CACNA1S: variants seen among roughly 807,000 people sequenced by gnomAD.
CACNA1S encodes voltage-dependent L-type calcium channel subunit alpha-1S.
A neutral mutation model predicts 207.4 loss-of-function variants in CACNA1S; 126 were observed. The observed-to-expected ratio is 0.61, with a 90% CI of 0.53 to 0.70. The LOEUF is 0.70. Among genes scored for constraint, CACNA1S ranks in the 30% least tolerant of loss-of-function variants. The pLI, the probability that CACNA1S is intolerant of heterozygous loss-of-function variation, is 0.00. For synonymous variants in CACNA1S, 960 were observed against 932.7 expected, an observed-to-expected ratio of 1.03 and a Z score of -0.53; for missense variants, 2,349 against 2,422.8, an observed-to-expected ratio of 0.97 and a Z score of 0.64.
chr1:201,054,625 G>A (rs1304667293), intron 28 of CACNA1S, 64 bp from the exon 29 acceptor site: 2 of 1,388,712 alleles, frequency 1.4e-6, no homozygotes, highest in East Asian at 2.4e-5. Context: ...ACATGTGGGA[G>A]GGAGGTGAAG....
Position 201,043,523 on chromosome 1 carries a change from T to G in CACNA1S, c.4806A>C (p.Gly1602=). The change falls in exon 40 of 44, where the codon GGA becomes GGC. Residue 1602 remains glycine (G), a synonymous_variant. Transcript: ENST00000362061. ...AMEEGIFRRT[G]GLFGQVDNFL... Reference sequence around the variant, plus strand: ...AGTTGTCCACCTGGCCAAACAGGCCTCCAGTCCTCTAGGGGCAAGGAGAAG... The same window carrying G: ...AGTTGTCCACCTGGCCAAACAGGCCGCCAGTCCTCTAGGGGCAAGGAGAAG... The G allele has an allele frequency of 6.2e-7, 1 of 1,613,868 alleles. No individual in the cohort carries two copies. Among genetic ancestry groups the G allele is most frequent in the East Asian group, 2.2e-5 (1 of 44,842 alleles).
intron 2 of CACNA1S, among the ~76,000 whole-genome samples, chr1:201,105,075 G>C (rs950659708): frequency 6.6e-6 from 1 of 152,264 alleles, no homozygotes; most frequent in African/African-American, 2.4e-5. Flanking sequence ...TTTGCTGGAG[G>C]ACTGGGGAGG....
rs150410304 is a variant in CACNA1S at position 201,087,734 on chromosome 1, C to T, written c.1004+92G>A. ...CCTCTCCACTCGCCCCCCACCCCTC[C>T]TGTTTCTTTTCCCTCCGTTCCTTTT... On this transcript the variant is annotated intron_variant, in intron 7 of 43. Transcript: ENST00000362061. 3,712 of 855,030 alleles carry T rather than the reference C, an allele frequency of 4.3e-3. 148 individuals are homozygous for T. The Admixed American group carries it at 0.063, about 14-fold the overall frequency. 53.0% of individuals were successfully genotyped at this position (855,030 alleles called of 1,614,324 possible). A position where few individuals can be genotyped will look rare whatever the true frequency, so the allele number is the denominator to read the frequency against.
In CACNA1S at chr1:201,076,915, C is replaced by T; in HGVS notation, c.1827+5G>A. ...GAAGGAGGGACACGCAGAGGGAGAG[C>T]CTACCTGGAAGACGCTGATGAGGGC... On this transcript the variant is annotated splice_donor_5th_base_variant and intron_variant, in intron 12 of 43. Coordinates refer to ENST00000362061, the MANE Select transcript of CACNA1S (RefSeq NM_000069.3). 6.2e-7 allele frequency: 1 copy of T among 1,613,652 alleles called. No homozygotes were observed. The highest frequency in any genetic ancestry group is 1.7e-5 in the Admixed American group (1 of 60,028).
intron 19 of CACNA1S, among the ~76,000 whole-genome samples, chr1:201,067,656 A>G (rs371995123): frequency 9.2e-5 from 14 of 152,260 alleles, no homozygotes; most frequent in East Asian, 7.7e-4. Context: ...CAAAGGGGCC[A>G]CTTTATCCTC....
chr1:201,051,322 C>T (rs903627824), intron 32 of CACNA1S, among the ~76,000 whole-genome samples, 179 bp from the exon 33 acceptor site: 1 of 152,124 alleles, frequency 6.6e-6, no homozygotes, highest in Non-Finnish European at 1.5e-5. Context: ...CTCAGTTTCC[C>T]CTCTGTGCTG....
In CACNA1S at chr1:201,043,050, T is replaced by G. The variant is rs1465105387; in HGVS notation, c.5048+231A>C. 3.2e-5 allele frequency: 17 copies of G among 531,048 alleles called. No homozygotes were observed. The East Asian group carries it at 5.5e-4, about 17-fold the overall frequency. 32.9% of individuals were successfully genotyped at this position (531,048 alleles called of 1,614,324 possible). A position where few individuals can be genotyped will look rare whatever the true frequency, so the allele number is the denominator to read the frequency against. ...CTGAAGCCGACGGAATAAAAGAACC[T>G]CTCAACACTGGGGCCAATACTGACA... On this transcript the variant is annotated intron_variant, in intron 40 of 43. Coordinates refer to ENST00000362061, the MANE Select transcript of CACNA1S (RefSeq NM_000069.3).
chr1:201,043,039 A>T, intron 40 of CACNA1S: 1 of 495,192 alleles, frequency 2.0e-6, no homozygotes, highest in Non-Finnish European at 3.7e-6. Context: ...AGCCGACGGA[A>T]TAAAAGAACC....
chr1:201,087,028 T>C (rs1038770154), intron 7 of CACNA1S, among the ~76,000 whole-genome samples: 2 of 152,216 alleles, frequency 1.3e-5, no homozygotes, highest in Non-Finnish European at 2.9e-5. Flanking sequence ...AGGAAGCTTC[T>C]GGAATGGGAT....
intron 17 of CACNA1S, 29 bp downstream of exon 17, chr1:201,070,243 C>T: frequency 2.5e-6 from 4 of 1,613,468 alleles, no homozygotes; most frequent in African/African-American, 2.7e-5. Flanking sequence ...CCGCATCAAT[C>T]ACCCCCACAG....
chr1:201,050,432 C>T lies in CACNA1S; in HGVS notation c.4198G>A (p.Asp1400Asn). The T allele has an allele frequency of 6.2e-7, 1 of 1,614,076 alleles. No homozygotes were observed. The highest frequency in any genetic ancestry group is 8.5e-7 in the Non-Finnish European group (1 of 1,179,996). Residue 1400 changes from aspartate (D) to asparagine (N), a missense_variant, in exon 34 of 44, where the codon GAT (aspartate) becomes AAT (asparagine). Physicochemically the swap from Asp to Asn is conservative, Grantham distance 23. Coordinates refer to ENST00000362061, the MANE Select transcript of CACNA1S (RefSeq NM_000069.3). The stretch of plus-strand genomic sequence containing the variant: ...TCTGCCCAGATGGCCTTGAACTCAT[C>T]CAGGTGATGAGGGCCCAGGATGGAC... ...DWSILGPHHLDEFKAIWAEYD... is the reference protein window; with the variant it reads ...DWSILGPHHLNEFKAIWAEYD...
At chr1:201,109,835 C>A (rs1404351992) in intron 2 of CACNA1S, among the ~76,000 whole-genome samples, 4 of 152,230 alleles carry the variant, frequency 2.6e-5, no homozygotes, top group Non-Finnish European at 5.9e-5. Flanking sequence ...TACTAAGCCT[C>A]AGTTTCCACA....
Position 201,062,470 on chromosome 1 carries a change from C to T in CACNA1S, c.2898G>A (p.Glu966=). Reference sequence around the variant, plus strand: ...CTCCCTGCCCCATGTACCTGCACTCCTCCTCTGTCATCTTGGACAAGTCGG... The same window carrying T: ...CTCCCTGCCCCATGTACCTGCACTCTTCCTCTGTCATCTTGGACAAGTCGG... ...RCTDLSKMTE[E]ECRGYYYVYK... is the part of the protein sequence containing the mutation. The change falls in exon 23 of 44, where the codon GAG becomes GAA. Residue 966 remains glutamate, a synonymous_variant. Transcript: ENST00000362061. 6.2e-7 allele frequency: 1 copy of T among 1,614,002 alleles called. No individual in the cohort carries two copies. The highest frequency in any genetic ancestry group is 8.5e-7 in the Non-Finnish European group (1 of 1,179,980).
rs760502669 is a variant in CACNA1S, at chr1:201,074,543, C to T, written c.2026G>A (p.Ala676Thr). 6 of 1,613,754 alleles carry T rather than the reference C, an allele frequency of 3.7e-6. No individual in the cohort carries two copies. The highest frequency in any genetic ancestry group is 5.1e-6 in the Non-Finnish European group (6 of 1,179,788). Reference protein sequence around the residue: ...EAESLTSAQKAKAEEKKRRKM... With the variant: ...EAESLTSAQKTKAEEKKRRKM... Reference sequence around the variant, plus strand: ...CTGCGTTTTTTCTCCTCAGCCTTGGCCTTCTGGGCAGAAGTCAGGCTCTCC... The same window carrying T: ...CTGCGTTTTTTCTCCTCAGCCTTGGTCTTCTGGGCAGAAGTCAGGCTCTCC... The change falls in exon 14 of 44, where the codon GCC (alanine) becomes ACC (threonine). Residue 676 changes from alanine (A) to threonine (T), a missense_variant. Physicochemically the swap from Ala to Thr is moderately conservative, Grantham distance 58. Transcript: ENST00000362061.
chr1:201,086,816 G>C (rs183175776), intron 7 of CACNA1S, among the ~76,000 whole-genome samples: 1 of 152,326 alleles, frequency 6.6e-6, no homozygotes, highest in Admixed American at 6.5e-5. Flanking sequence ...AGTAGTTAGT[G>C]TAAATACTAT....
At position 201,089,358 on chromosome 1, in the gene CACNA1S, C is replaced by T; in HGVS notation, c.800G>A (p.Gly267Glu). The T allele has an allele frequency of 1.2e-6, 2 of 1,614,220 alleles. No individual in the cohort carries two copies. The highest frequency in any genetic ancestry group is 1.7e-6 in the Non-Finnish European group (2 of 1,180,040). ...NGSECRGGWPGPNHGITHFDN... is the reference protein window; with the variant it reads ...NGSECRGGWPEPNHGITHFDN... Reference sequence around the variant, plus strand: ...GAAGTGGGTGATGCCATGGTTGGGCCCTGGCCAGCCGCCCCGGCACTCACT... The same window carrying T: ...GAAGTGGGTGATGCCATGGTTGGGCTCTGGCCAGCCGCCCCGGCACTCACT... The change falls in exon 6 of 44, where the codon GGG (glycine) becomes GAG (glutamate). Residue 267 changes from glycine (G) to glutamate (E), a missense_variant. Transcript: ENST00000362061.
chr1:201,098,015 A>AC (rs1459139990), intron 2 of CACNA1S, among the ~76,000 whole-genome samples: 4 of 151,636 alleles, frequency 2.6e-5, no homozygotes, highest in Admixed American at 1.3e-4. Context: ...CCTGGCTCTC[A>AC]CCCCCCAACT....
chr1:201,076,786 G>T (rs1661636893), intron 12 of CACNA1S, 134 bp downstream of exon 12: 1 of 833,170 alleles, frequency 1.2e-6, no homozygotes, highest in South Asian at 1.4e-5. Flanking sequence ...GGGGAGCCCA[G>T]AGAAGGACAT....
In CACNA1S at chr1:201,043,350, T is replaced by C; in HGVS notation, c.4979A>G (p.Asn1660Ser). The C allele has an allele frequency of 6.2e-7, 1 of 1,614,206 alleles. No homozygotes were observed. Among genetic ancestry groups the C allele is most frequent in the Non-Finnish European group, 8.5e-7 (1 of 1,180,040 alleles). The change falls in exon 40 of 44, where the codon AAT becomes AGT. Residue 1660 changes from asparagine (N) to serine (S), a missense_variant. By Grantham distance (46) the Asn-to-Ser change is conservative. Coordinates refer to ENST00000362061, the MANE Select transcript of CACNA1S (RefSeq NM_000069.3). ...DPRTNPLARA[N>S]TNNANANVAY... The stretch of plus-strand genomic sequence containing the variant: ...GACATTGGCGTTGGCATTGTTGGTA[T>C]TGGCACGAGCCAGGGGGTTGGTGCG...
Sources: gnomAD v4.1 joint callset for allele counts (sites outside exome capture counted in the v4.1 genomes callset) on GRCh38, gnomAD v4.1.1 for gene constraint, MANE v1.5 for transcripts, NCBI Gene and HGNC (gene_info 2026-07-23, HGNC 2026-07-21) for gene names.